The following MAGI1 variants were observed in gnomAD, a reference collection of about 807,000 sequenced individuals.
The protein encoded by MAGI1 is membrane-associated guanylate kinase, WW and PDZ domain-containing protein 1.
In MAGI1, 58 loss-of-function variants were observed where a neutral mutation model predicts 139.9. That is an observed-to-expected ratio of 0.41 (90% CI 0.34 to 0.52). The LOEUF is 0.52. Ranked by LOEUF, MAGI1 falls within the 20% of genes least tolerant of loss-of-function variation. MAGI1 has a pLI of 0.12. For synonymous variants in MAGI1, 812 were observed against 737.9 expected, an observed-to-expected ratio of 1.10 and a Z score of -1.63; for missense variants, 1,874 against 1,901.6, an observed-to-expected ratio of 0.99 and a Z score of 0.27.
chr3:65,655,303 C>CA (rs2085810905), intron 1 of MAGI1, among the ~76,000 whole-genome samples: 1 of 151,960 alleles, frequency 6.6e-6, no homozygotes, highest in African/African-American at 2.4e-5. Flanking sequence ...CATAAAGGCT[C>CA]AAAAAACACA....
chr3:65,637,281 G>C lies in MAGI1; in HGVS notation c.314-15193C>G, dbSNP rs375589742. On this transcript the variant is annotated intron_variant, in intron 1 of 22. Transcript: ENST00000402939. ...AAAAAAAATATTGCAAGCTGGGCAT[G>C]GTGGCTCCTGCCTGTAATCTCAGCA... Among the ~76,000 whole-genome samples, 4 of 152,174 alleles carry C rather than the reference G, an allele frequency of 2.6e-5. No individual in the cohort carries two copies. The East Asian group carries it at 5.8e-4, about 22-fold the overall frequency.
intron 1 of MAGI1, among the ~76,000 whole-genome samples, chr3:65,898,673 A>T (rs1180885904): frequency 6.6e-6 from 1 of 152,174 alleles, no homozygotes; most frequent in African/African-American, 2.4e-5. Context: ...GCAAATGAAA[A>T]TGACAGCAAC....
rs1451520911 is a variant in MAGI1 at position 65,523,388 on chromosome 3, C to T, written c.431-29757G>A. 3.8e-5 allele frequency among the ~76,000 whole-genome samples: 5 copies of T among 130,400 alleles called. No homozygotes were observed. The East Asian group carries it at 1.1e-3, about 30-fold the overall frequency. 85.5% of individuals were successfully genotyped at this position (130,400 alleles called of 152,430 possible). The stretch of plus-strand genomic sequence containing the variant: ...AATGTGGCAACCTTAATAATATAAG[C>T]AAGGTCAGAAATTTTAAAAAGGAAG... On this transcript the variant is annotated intron_variant, in intron 2 of 22. Coordinates refer to ENST00000402939, the MANE Select transcript of MAGI1 (RefSeq NM_001033057.2).
rs1175840527 is a variant in MAGI1 at position 65,624,263 on chromosome 3, C to G, written c.314-2175G>C. Among the ~76,000 whole-genome samples the G allele has an allele frequency of 3.9e-5, 6 of 152,120 alleles. No individual in the cohort carries two copies. The East Asian group carries it at 1.2e-3, about 29-fold the overall frequency. Reference sequence around the variant, plus strand: ...ATAGCCAAGTGACCCAACAATTCCACCCTTATTTACATGACAGAAATGAAA... The same window carrying G: ...ATAGCCAAGTGACCCAACAATTCCAGCCTTATTTACATGACAGAAATGAAA... On this transcript the variant is annotated intron_variant, in intron 1 of 22. Coordinates refer to ENST00000402939, the MANE Select transcript of MAGI1 (RefSeq NM_001033057.2).
Position 65,685,767 on chromosome 3 carries a change from G to A in MAGI1, c.314-63679C>T, listed in dbSNP as rs964136760. Among the ~76,000 whole-genome samples, 3 of 152,104 alleles carry A rather than the reference G, an allele frequency of 2.0e-5. No individual in the cohort carries two copies. The South Asian group carries it at 6.2e-4, about 32-fold the overall frequency. The stretch of plus-strand genomic sequence containing the variant: ...GAGGAGTATGTTGCTCTGAATAACT[G>A]CTCTCTTGCCTTTCCAGTCCTGGAA... On this transcript the variant is annotated intron_variant, in intron 1 of 22. Coordinates refer to ENST00000402939, the MANE Select transcript of MAGI1 (RefSeq NM_001033057.2).
At chr3:65,729,480 C>T (rs967729351) in intron 1 of MAGI1, among the ~76,000 whole-genome samples, 11 of 152,130 alleles carry the variant, frequency 7.2e-5, no homozygotes, top group Admixed American at 5.2e-4. Flanking sequence ...ATATTTTATA[C>T]AGTCATTTAA....
rs2064202526 is a variant in MAGI1, at chr3:65,957,672, A to T, written c.313+80324T>A. On this transcript the variant is annotated intron_variant, in intron 1 of 22. Transcript: ENST00000402939. The stretch of plus-strand genomic sequence containing the variant: ...TCTGTACAAAGTTCCAAAACAAGAA[A>T]ATGGGAATAGAGGTCAGGACAATGG... Among the ~76,000 whole-genome samples the T allele has an allele frequency of 2.6e-5, 4 of 152,162 alleles. No homozygotes were observed. In the South Asian group the frequency reaches 8.3e-4, roughly 32 times the overall value.
chr3:65,521,375 C>T (rs114432762), intron 2 of MAGI1, among the ~76,000 whole-genome samples: 1,702 of 152,272 alleles, frequency 0.011, 30 homozygotes, highest in African/African-American at 0.038. Flanking sequence ...CAAGATATAT[C>T]ACTGGAAGGA....
chr3:65,979,091 C>CCG (rs1553742256), intron 1 of MAGI1, among the ~76,000 whole-genome samples: 3 of 102,254 alleles, frequency 2.9e-5, no homozygotes, highest in Non-Finnish European at 5.7e-5. Flanking sequence ...CTTTTCTTCC[C>CCG]CCCCCCCGCC....
At chr3:65,615,970 C>A (rs2106989222) in intron 2 of MAGI1, among the ~76,000 whole-genome samples, 1 of 152,276 alleles carries the variant, frequency 6.6e-6, no homozygotes, top group East Asian at 1.9e-4. Flanking sequence ...TTGTGCTAAA[C>A]ATTATGAGGA....
intron 1 of MAGI1, among the ~76,000 whole-genome samples, chr3:65,637,102 T>C (rs59761393): frequency 0.049 from 7,480 of 152,286 alleles, 338 homozygotes; most frequent in African/African-American, 0.12. Context: ...ATGCATGGTG[T>C]ATTCCCTAGT....
chr3:65,840,811 G>A (rs955527404), intron 1 of MAGI1, among the ~76,000 whole-genome samples: 1 of 152,184 alleles, frequency 6.6e-6, no homozygotes, highest in Non-Finnish European at 1.5e-5. Flanking sequence ...CATAAAGTGA[G>A]TTAGAATTAT....
At chr3:65,494,540 G>A (rs879327332) in intron 2 of MAGI1, among the ~76,000 whole-genome samples, 2 of 151,736 alleles carry the variant, frequency 1.3e-5, no homozygotes, top group East Asian at 3.9e-4. Context: ...ATTATGAGAC[G>A]AAAAAAAAGA....
At chr3:65,700,037 A>G (rs1392697444) in intron 1 of MAGI1, among the ~76,000 whole-genome samples, 1 of 152,160 alleles carries the variant, frequency 6.6e-6, no homozygotes, top group African/African-American at 2.4e-5. Context: ...ACTCCCCTAA[A>G]GAAAAATGTG....
At chr3:66,016,645 A>G (rs2067656192) in intron 1 of MAGI1, among the ~76,000 whole-genome samples, 1 of 152,238 alleles carries the variant, frequency 6.6e-6, no homozygotes, top group Non-Finnish European at 1.5e-5. Flanking sequence ...GCAAGAAAGA[A>G]AAGCAGAATG....
chr3:65,729,119 ACG>A (rs1491454715), intron 1 of MAGI1, among the ~76,000 whole-genome samples: 6 of 8,294 alleles, frequency 7.2e-4, no homozygotes, highest in Admixed American at 6.0e-3. Flanking sequence ...AAAAAATGGA[ACG>A]GGGGGGGGGG....
intron 1 of MAGI1, among the ~76,000 whole-genome samples, chr3:65,866,219 C>CTACT (rs1553720273): frequency 1.9e-5 from 2 of 106,286 alleles, no homozygotes; most frequent in African/African-American, 3.7e-5. Context: ...CAATTTTTTT[C>CTACT]TTTTTTTTTT....
At chr3:65,621,073 C>A (rs1456161312) in intron 2 of MAGI1, among the ~76,000 whole-genome samples, 6 of 151,800 alleles carry the variant, frequency 4.0e-5, no homozygotes, top group African/African-American at 1.5e-4. Flanking sequence ...AAACACGATA[C>A]CTGGAACATT....
At chr3:65,520,661 C>T (rs2078110594) in intron 2 of MAGI1, among the ~76,000 whole-genome samples, 1 of 152,140 alleles carries the variant, frequency 6.6e-6, no homozygotes, top group Non-Finnish European at 1.5e-5. Flanking sequence ...AAAATGGAAG[C>T]TTCTGTGGCA....
Sources: gnomAD v4.1 joint callset for allele counts (sites outside exome capture counted in the v4.1 genomes callset) on GRCh38, gnomAD v4.1.1 for gene constraint, MANE v1.5 for transcripts, NCBI Gene and HGNC (gene_info 2026-07-23, HGNC 2026-07-21) for gene names.